Variants in ARHGAP15 observed in about 807,000 individuals in gnomAD.
ARHGAP15 encodes the protein rho GTPase-activating protein 15.
A neutral mutation model predicts 63.7 loss-of-function variants in ARHGAP15; 51 were observed. The observed-to-expected ratio is 0.80, with a 90% confidence interval of 0.64 to 1.01. The LOEUF (loss-of-function observed/expected upper bound fraction) is 1.01. Among genes scored for constraint, ARHGAP15 ranks in the 50% least tolerant of loss-of-function variants. The pLI, the probability that ARHGAP15 is intolerant of heterozygous loss-of-function variation, is 0.00. For synonymous variants in ARHGAP15, 191 were observed against 193.8 expected (o/e 0.99, Z 0.12); for missense variants, 560 against 564.6 (o/e 0.99, Z 0.08).
intron 6 of ARHGAP15, among the ~76,000 whole-genome samples, chr2:143,297,166 CAATT>C (rs1336823545): frequency 6.6e-6 from 1 of 151,896 alleles, no homozygotes; most frequent in Non-Finnish European, 1.5e-5. Context: ...GCAACTCTGA[CAATT>C]AAGCCTTAGC....
At chr2:143,612,880 G>T (rs993618643) in intron 11 of ARHGAP15, among the ~76,000 whole-genome samples, 3 of 152,174 alleles carry the variant, frequency 2.0e-5, no homozygotes, top group Admixed American at 1.3e-4. Context: ...TTGATGTGAG[G>T]ATTAAATGAA....
chr2:143,492,155 T>C (rs996114241), intron 9 of ARHGAP15, among the ~76,000 whole-genome samples: 13 of 152,168 alleles, frequency 8.5e-5, no homozygotes, highest in Admixed American at 2.6e-4. Context: ...GTGCTAGGAT[T>C]ATAGGTGTGA....
chr2:143,554,093 A>G (rs1176058351), intron 10 of ARHGAP15, among the ~76,000 whole-genome samples: 1 of 152,210 alleles, frequency 6.6e-6, no homozygotes, highest in African/African-American at 2.4e-5. Context: ...TTTTATTGTA[A>G]TAGATATTCA....
intron 2 of ARHGAP15, among the ~76,000 whole-genome samples, chr2:143,191,193 T>C (rs1056535212): frequency 6.6e-5 from 10 of 152,198 alleles, no homozygotes; most frequent in Non-Finnish European, 1.5e-4. Context: ...GGAACTAGTA[T>C]CCAAAGTATG....
chr2:143,398,473 G>A (rs370903736), intron 6 of ARHGAP15, among the ~76,000 whole-genome samples: 3 of 152,058 alleles, frequency 2.0e-5, no homozygotes, highest in Admixed American at 2.0e-4. Flanking sequence ...AGATGACTGG[G>A]TTAAGAGCTT....
chr2:143,691,698 A>C (rs1683608022), intron 12 of ARHGAP15, among the ~76,000 whole-genome samples: 1 of 152,204 alleles, frequency 6.6e-6, no homozygotes, highest in African/African-American at 2.4e-5. Context: ...ATGGATTGAA[A>C]GTGTTGTATG....
At chr2:143,198,386 TTCAA>T (rs1170920685) in intron 2 of ARHGAP15, among the ~76,000 whole-genome samples, 1 of 152,066 alleles carries the variant, frequency 6.6e-6, no homozygotes, top group Non-Finnish European at 1.5e-5. Flanking sequence ...TTTCCCAAAC[TTCAA>T]TCATTCACTT....
intron 8 of ARHGAP15, among the ~76,000 whole-genome samples, chr2:143,458,316 C>T (rs1271816013): frequency 6.6e-6 from 1 of 152,164 alleles, no homozygotes; most frequent in East Asian, 1.9e-4. Flanking sequence ...GCAACAGACA[C>T]ATGCCAACAC....
chr2:143,435,539 G>C, intron 6 of ARHGAP15, 62 bp from the exon 7 acceptor site: 3 of 1,436,086 alleles, frequency 2.1e-6, no homozygotes, highest in South Asian at 1.5e-5. Flanking sequence ...TTACATGTAA[G>C]AGATCTATCT....
chr2:143,511,544 G>C (rs1693588849), intron 9 of ARHGAP15, among the ~76,000 whole-genome samples: 1 of 151,582 alleles, frequency 6.6e-6, no homozygotes, highest in Admixed American at 6.6e-5. Flanking sequence ...GAAGTCAGGA[G>C]CTCAGGGTTT....
intron 11 of ARHGAP15, among the ~76,000 whole-genome samples, chr2:143,570,379 T>TAC (rs1339879762): frequency 6.6e-6 from 1 of 152,230 alleles, no homozygotes; most frequent in Admixed American, 6.5e-5. Flanking sequence ...TGTATAATGT[T>TAC]ATATATCACT....
chr2:143,509,244 C>T (rs560799984), intron 9 of ARHGAP15, among the ~76,000 whole-genome samples: 73 of 151,668 alleles, frequency 4.8e-4, no homozygotes, highest in African/African-American at 1.7e-3. Context: ...TTCACAGAAG[C>T]GCATATATTT....
chr2:143,264,879 C>T (rs1173796567), intron 6 of ARHGAP15, among the ~76,000 whole-genome samples: 4 of 152,030 alleles, frequency 2.6e-5, no homozygotes, highest in Non-Finnish European at 5.9e-5. Context: ...TAATTAATTA[C>T]CAAGCACTAG....
chr2:143,666,020 A>T (rs1283780116), intron 12 of ARHGAP15, among the ~76,000 whole-genome samples: 10 of 150,278 alleles, frequency 6.7e-5, no homozygotes, highest in Non-Finnish European at 3.0e-5. Context: ...TTCAATGCCA[A>T]CCCCATCAAG....
At chr2:143,446,537 G>A (rs1558977310) in intron 8 of ARHGAP15, among the ~76,000 whole-genome samples, 2 of 151,918 alleles carry the variant, frequency 1.3e-5, no homozygotes, top group Non-Finnish European at 2.9e-5. Flanking sequence ...GTGTCATGGG[G>A]AATAAATGCT....
At chr2:143,624,035 G>A (rs953265412) in intron 11 of ARHGAP15, 98 bp from the exon 12 acceptor site, 48 of 1,443,686 alleles carry the variant, frequency 3.3e-5, no homozygotes, top group East Asian at 4.6e-5. Context: ...GGCTGTTAAC[G>A]GTTGCTGATG....
chr2:143,371,692 TA>T (rs1686564254), intron 6 of ARHGAP15, among the ~76,000 whole-genome samples: 1 of 152,190 alleles, frequency 6.6e-6, no homozygotes, highest in Non-Finnish European at 1.5e-5. Context: ...ATTTCCTCCT[TA>T]CTGAAACATC....
chr2:143,598,928 GTTT>G (rs756126227), intron 11 of ARHGAP15, among the ~76,000 whole-genome samples: 2 of 147,518 alleles, frequency 1.4e-5, no homozygotes, highest in East Asian at 2.0e-4. Context: ...AAATAAGTTG[GTTT>G]TTTTTTTTTA....
intron 10 of ARHGAP15, among the ~76,000 whole-genome samples, chr2:143,536,894 T>C (rs1411694438): frequency 6.6e-6 from 1 of 152,192 alleles, no homozygotes; most frequent in African/African-American, 2.4e-5. Flanking sequence ...TACCCAGTAA[T>C]GAGATGGCTG....
Sources: allele counts gnomAD v4.1 joint callset (sites outside exome capture counted in the v4.1 genomes callset), GRCh38; gene constraint gnomAD v4.1.1; transcripts MANE v1.5; gene names NCBI Gene and HGNC (gene_info 2026-07-23, HGNC 2026-07-21).